Variants in RPN1 observed in about 807,000 individuals in gnomAD.
The protein encoded by RPN1 is ribophorin I, also known as dolichyl-diphosphooligosaccharide--protein glycosyltransferase subunit 1.
In RPN1, 12 loss-of-function variants were observed where a neutral mutation model predicts 55.5. The ratio of observed to expected loss-of-function variants is 0.22; its 90% confidence interval spans 0.14 to 0.35. The LOEUF (loss-of-function observed/expected upper bound fraction) is 0.35. Ranked by LOEUF, RPN1 falls within the 10% of genes least tolerant of loss-of-function variation. The pLI, the probability that RPN1 is intolerant of heterozygous loss-of-function variation, is 1.00. For missense variants in RPN1, 679 were observed against 761.3 expected, an observed-to-expected ratio of 0.89 and a Z score of 1.27; for synonymous variants, 317 against 305.9, an observed-to-expected ratio of 1.04 and a Z score of -0.38.
chr3:128,644,551 T>C, intron 2 of RPN1: 2 of 448,776 alleles, frequency 4.5e-6, no homozygotes, highest in Non-Finnish European at 8.6e-6. Flanking sequence ...TCCCACCTAT[T>C]TGGGAGGCTG....
intron 9 of RPN1, 25 bp from the exon 10 acceptor site, chr3:128,620,618 G>C (rs1369755149): frequency 6.2e-7 from 1 of 1,606,284 alleles, no homozygotes; most frequent in East Asian, 2.2e-5. Context: ...AGCAGGGCAG[G>C]ACTTGTGAGC....
chr3:128,633,084 T>C (rs868078091), intron 3 of RPN1, among the ~76,000 whole-genome samples: 2 of 152,214 alleles, frequency 1.3e-5, no homozygotes, highest in Admixed American at 6.5e-5. Context: ...AATTCACTCA[T>C]AATCATATTT....
chr3:128,636,729 T>A (rs2069684746), intron 3 of RPN1, among the ~76,000 whole-genome samples: 1 of 152,124 alleles, frequency 6.6e-6, no homozygotes, highest in African/African-American at 2.4e-5. Flanking sequence ...TATTATTTTT[T>A]GTAAAAATGA....
At chr3:128,635,280 A>T (rs938302328) in intron 3 of RPN1, among the ~76,000 whole-genome samples, 2 of 152,062 alleles carry the variant, frequency 1.3e-5, no homozygotes, top group African/African-American at 4.8e-5. Context: ...AATGAATGGG[A>T]GAATTGGAAG....
intron 8 of RPN1, among the ~76,000 whole-genome samples, chr3:128,624,322 TA>T (rs1440492513): frequency 1.3e-5 from 2 of 151,774 alleles, no homozygotes; most frequent in Non-Finnish European, 1.5e-5. Flanking sequence ...CTACTAAAAA[TA>T]CAAAAAATTA....
intron 2 of RPN1, among the ~76,000 whole-genome samples, chr3:128,643,164 T>A (rs894474853): frequency 6.8e-6 from 1 of 146,232 alleles, no homozygotes; most frequent in African/African-American, 2.5e-5. Context: ...CCATCTCTAC[T>A]AAAAATACAA....
chr3:128,648,404 T>A (rs1413828803), intron 1 of RPN1, among the ~76,000 whole-genome samples: 1 of 146,912 alleles, frequency 6.8e-6, no homozygotes, highest in Non-Finnish European at 1.5e-5. Context: ...AAAAAAAAAA[T>A]ACAAAAATTA....
At chr3:128,644,411 G>A in intron 2 of RPN1, 1 of 283,372 alleles carries the variant, frequency 3.5e-6, no homozygotes, top group South Asian at 3.2e-5. Context: ...AGGACTCTGG[G>A]AGGCAAAGAA....
chr3:128,645,806 C>G (rs1354462228), intron 1 of RPN1, among the ~76,000 whole-genome samples: 1 of 151,960 alleles, frequency 6.6e-6, no homozygotes, highest in African/African-American at 2.4e-5. Flanking sequence ...GGTGACAGAG[C>G]GAGACTCTGT....
chr3:128,622,119 A>G, intron 9 of RPN1, 45 bp downstream of exon 9: 1 of 1,600,614 alleles, frequency 6.2e-7, no homozygotes, highest in African/African-American at 1.3e-5. Flanking sequence ...GCAGTGAGGC[A>G]TGGAGGGCCC....
Position 128,637,822 on chromosome 3 carries a change from T to C in RPN1, c.610A>G (p.Arg204Gly). 6.2e-7 allele frequency: 1 copy of C among 1,612,698 alleles called. No individual in the cohort carries two copies. The highest frequency in any genetic ancestry group is 8.5e-7 in the Non-Finnish European group (1 of 1,179,786). ...SEDLLDYGPF[R>G]DVPAYSQDTF... is the part of the protein sequence containing the mutation. Reference sequence around the variant, plus strand: ...ACCTGACTATAGGCAGGCACATCTCTGAAAGGCCCATAATCCAGTAGGTCC... The same window carrying C: ...ACCTGACTATAGGCAGGCACATCTCCGAAAGGCCCATAATCCAGTAGGTCC... Residue 204 changes from arginine to glycine, a missense_variant, in exon 3 of 10, where the codon AGA (arginine) becomes GGA (glycine). By Grantham distance (125) the Arg-to-Gly change is moderately radical. Coordinates refer to ENST00000296255, the MANE Select transcript of RPN1 (RefSeq NM_002950.4).
chr3:128,642,103 T>C (rs370975788), intron 2 of RPN1, among the ~76,000 whole-genome samples: 19 of 152,232 alleles, frequency 1.2e-4, no homozygotes, highest in East Asian at 9.6e-4. Context: ...CTAGAGCCAA[T>C]AAACACAGAC....
intron 3 of RPN1, among the ~76,000 whole-genome samples, chr3:128,634,204 G>C (rs1312149912): frequency 6.6e-6 from 1 of 151,638 alleles, no homozygotes; most frequent in Non-Finnish European, 1.5e-5. Context: ...GCACATGCCT[G>C]TAAGTCCCAG....
intron 3 of RPN1, among the ~76,000 whole-genome samples, chr3:128,633,084 T>A (rs868078091): frequency 6.6e-6 from 1 of 152,214 alleles, no homozygotes; most frequent in African/African-American, 2.4e-5. Context: ...AATTCACTCA[T>A]AATCATATTT....
chr3:128,640,850 T>TC (rs140600145), intron 2 of RPN1, among the ~76,000 whole-genome samples: 2 of 150,108 alleles, frequency 1.3e-5, no homozygotes, highest in African/African-American at 2.5e-5. Context: ...TAATCTCCCT[T>TC]CCCCCCAGCC....
chr3:128,639,105 A>G (rs916709027), intron 2 of RPN1, among the ~76,000 whole-genome samples: 2 of 152,230 alleles, frequency 1.3e-5, no homozygotes, highest in African/African-American at 4.8e-5. Flanking sequence ...ATGTCCATGT[A>G]CAATGTAAAT....
chr3:128,649,125 T>C (rs938706790), intron 1 of RPN1, among the ~76,000 whole-genome samples: 3 of 152,232 alleles, frequency 2.0e-5, no homozygotes, highest in African/African-American at 4.8e-5. Context: ...GTGACAGATA[T>C]GTTTATTACC....
chr3:128,639,076 T>C (rs1352207052), intron 2 of RPN1, among the ~76,000 whole-genome samples: 4 of 152,124 alleles, frequency 2.6e-5, no homozygotes, highest in African/African-American at 9.7e-5. Flanking sequence ...AACCTACATA[T>C]CTATATTAAC....
At chr3:128,640,153 C>A (rs937189177) in intron 2 of RPN1, among the ~76,000 whole-genome samples, 1 of 151,772 alleles carries the variant, frequency 6.6e-6, no homozygotes, top group Middle Eastern at 3.4e-3. Flanking sequence ...GCCTGGGTGA[C>A]GGAGCGAGAA....
Sources: gnomAD v4.1 joint callset for allele counts (sites outside exome capture counted in the v4.1 genomes callset) on GRCh38, gnomAD v4.1.1 for gene constraint, MANE v1.5 for transcripts, NCBI Gene and HGNC (gene_info 2026-07-23, HGNC 2026-07-21) for gene names.